FUT9: variants seen among roughly 807,000 people sequenced by gnomAD.
FUT9 encodes the protein 4-galactosyl-N-acetylglucosaminide 3-alpha-L-fucosyltransferase 9.
In FUT9, 15 loss-of-function variants were observed where a neutral mutation model predicts 29.7. That is an observed-to-expected ratio of 0.51 (90% CI 0.34 to 0.78). The LOEUF (loss-of-function observed/expected upper bound fraction) is 0.78. Among genes scored for constraint, FUT9 ranks in the 30% least tolerant of loss-of-function variants. The pLI is 0.01. For missense variants in FUT9, 319 were observed against 425.4 expected, an observed-to-expected ratio of 0.75 and a Z score of 2.20; for synonymous variants, 169 against 153.7, an observed-to-expected ratio of 1.10 and a Z score of -0.74.
At chr6:96,196,674 T>C (rs887937142) in intron 2 of FUT9, among the ~76,000 whole-genome samples, 1 of 151,986 alleles carries the variant, frequency 6.6e-6, no homozygotes, top group Non-Finnish European at 1.5e-5. Context: ...ATCACACCAC[T>C]GCACTCCGGC....
intron 2 of FUT9, among the ~76,000 whole-genome samples, chr6:96,127,603 A>G (rs891425669): frequency 1.3e-5 from 2 of 152,156 alleles, no homozygotes; most frequent in Non-Finnish European, 1.5e-5. Flanking sequence ...TCTTTGAGAA[A>G]TCCCCAAACT....
At chr6:96,036,346 A>G (rs1328152996) in intron 1 of FUT9, among the ~76,000 whole-genome samples, 3 of 151,616 alleles carry the variant, frequency 2.0e-5, no homozygotes, top group Non-Finnish European at 4.4e-5. Flanking sequence ...GTAAATATAT[A>G]TCTGAAATTT....
chr6:96,111,446 C>T (rs2127960778), intron 1 of FUT9, among the ~76,000 whole-genome samples: 1 of 151,760 alleles, frequency 6.6e-6, no homozygotes, highest in African/African-American at 2.4e-5. Flanking sequence ...TCAAATAAAT[C>T]ATTATCAACA....
intron 1 of FUT9, among the ~76,000 whole-genome samples, chr6:96,094,397 G>T (rs969287746): frequency 3.9e-5 from 6 of 152,014 alleles, no homozygotes; most frequent in Non-Finnish European, 7.4e-5. Context: ...CTGGCTATTT[G>T]GATATGGCAA....
intron 2 of FUT9, among the ~76,000 whole-genome samples, chr6:96,122,818 C>G (rs6927717): frequency 0.91 from 137,675 of 151,992 alleles, 63,557 homozygotes; most frequent in East Asian, 1. Context: ...AGGCCGAGGC[C>G]GGTGGATCAC....
At chr6:96,026,844 T>C (rs1770177883) in intron 1 of FUT9, among the ~76,000 whole-genome samples, 1 of 151,688 alleles carries the variant, frequency 6.6e-6, no homozygotes, top group Non-Finnish European at 1.5e-5. Flanking sequence ...TATGTTTCCC[T>C]GACTGGATTA....
At chr6:96,071,751 A>T (rs1242177082) in intron 1 of FUT9, among the ~76,000 whole-genome samples, 1 of 152,210 alleles carries the variant, frequency 6.6e-6, no homozygotes, top group Admixed American at 6.5e-5. Flanking sequence ...ACAACAGCCA[A>T]TCAATAATTA....
At chr6:96,170,850 C>G (rs1773101030) in intron 2 of FUT9, among the ~76,000 whole-genome samples, 1 of 152,120 alleles carries the variant, frequency 6.6e-6, no homozygotes, top group African/African-American at 2.4e-5. Context: ...AGTGATAAAA[C>G]AAACTGTCCC....
intron 1 of FUT9, among the ~76,000 whole-genome samples, chr6:96,086,198 C>A (rs959353185): frequency 1.3e-5 from 2 of 152,200 alleles, no homozygotes; most frequent in African/African-American, 4.8e-5. Flanking sequence ...CCTGTCTACA[C>A]ACTTTATTGC....
chr6:96,148,767 T>C (rs931086938), intron 2 of FUT9, among the ~76,000 whole-genome samples: 2 of 152,182 alleles, frequency 1.3e-5, no homozygotes, highest in African/African-American at 2.4e-5. Flanking sequence ...ATGTATTGCC[T>C]TTATTCTGAG....
At chr6:96,041,679 C>G (rs966167750) in intron 1 of FUT9, among the ~76,000 whole-genome samples, 1 of 152,170 alleles carries the variant, frequency 6.6e-6, no homozygotes, top group African/African-American at 2.4e-5. Context: ...AAGGGCATTT[C>G]CAGCTCCAAA....
At chr6:96,036,121 G>A (rs1414894544) in intron 1 of FUT9, among the ~76,000 whole-genome samples, 1 of 143,552 alleles carries the variant, frequency 7.0e-6, no homozygotes, top group Admixed American at 7.3e-5. Context: ...TATTATGAAA[G>A]TTCTCATCTG....
At position 96,085,984 on chromosome 6, in the gene FUT9, C is replaced by T. The variant is rs533885821; in HGVS notation, c.-97-28055C>T. Among the ~76,000 whole-genome samples, 362 of 152,178 alleles carry T rather than the reference C, an allele frequency of 2.4e-3. 1 individual carries two copies. Among genetic ancestry groups the T allele is most frequent in the African/African-American group, 8.5e-3 (354 of 41,520 alleles). On this transcript the variant is annotated intron_variant, in intron 1 of 2. Coordinates refer to ENST00000302103, the MANE Select transcript of FUT9 (RefSeq NM_006581.4). ...TCTGTGAAAATTGGATGTAAAATTA[C>T]TTATTCATCAGTAGGACAATTGTAT...
intron 2 of FUT9, among the ~76,000 whole-genome samples, chr6:96,150,436 G>A (rs56694655): frequency 6.6e-6 from 1 of 152,308 alleles, no homozygotes; most frequent in East Asian, 1.9e-4. Flanking sequence ...CCTCTAGTGT[G>A]TGAAAGAGAA....
At chr6:96,016,632 C>G (rs1289890572) in intron 1 of FUT9, among the ~76,000 whole-genome samples, 1 of 152,214 alleles carries the variant, frequency 6.6e-6, no homozygotes. Context: ...CCACAAAGTC[C>G]TCCCTGACCC....
At chr6:96,194,093 A>T (rs1333199333) in intron 2 of FUT9, among the ~76,000 whole-genome samples, 1 of 152,200 alleles carries the variant, frequency 6.6e-6, no homozygotes, top group Non-Finnish European at 1.5e-5. Flanking sequence ...TAGGAGATAT[A>T]CCTAATGTAA....
intron 2 of FUT9, among the ~76,000 whole-genome samples, chr6:96,192,484 C>T (rs1478490799): frequency 1.3e-5 from 2 of 152,086 alleles, no homozygotes; most frequent in Non-Finnish European, 2.9e-5. Context: ...ACCTAGGAAT[C>T]CAACTTACGA....
intron 1 of FUT9, among the ~76,000 whole-genome samples, chr6:96,089,970 C>A (rs1771383544): frequency 6.6e-6 from 1 of 151,916 alleles, no homozygotes; most frequent in Admixed American, 6.6e-5. Context: ...TGAAAAGAAC[C>A]TGAAAACATG....
intron 1 of FUT9, among the ~76,000 whole-genome samples, chr6:96,055,858 T>A (rs1023011810): frequency 6.6e-6 from 1 of 152,050 alleles, no homozygotes; most frequent in Non-Finnish European, 1.5e-5. Flanking sequence ...CTCTAGACAT[T>A]TGAAAAGAAA....
Sources: gnomAD v4.1 joint callset for allele counts (sites outside exome capture counted in the v4.1 genomes callset) on GRCh38, gnomAD v4.1.1 for gene constraint, MANE v1.5 for transcripts, NCBI Gene and HGNC (gene_info 2026-07-23, HGNC 2026-07-21) for gene names.